Variants in SORCS2 observed in about 807,000 individuals in gnomAD.
The protein encoded by SORCS2 is VPS10 domain-containing receptor SorCS2.
Under a neutral mutation model 141.6 loss-of-function variants are expected in SORCS2, and 100 were observed. That is an observed-to-expected ratio of 0.71 (90% CI 0.60 to 0.83). The LOEUF (loss-of-function observed/expected upper bound fraction) is 0.83, where lower values mean the gene tolerates loss of function less well. Among genes scored for constraint, SORCS2 ranks in the 40% least tolerant of loss-of-function variants. SORCS2 has a pLI of 0.00. For synonymous variants in SORCS2, 789 were observed against 676.9 expected, an observed-to-expected ratio of 1.17 and a Z score of -2.57; for missense variants, 1,646 against 1,560.2, an observed-to-expected ratio of 1.05 and a Z score of -0.93.
chr4:7,536,305 A>G (rs528252189), intron 3 of SORCS2, among the ~76,000 whole-genome samples: 75 of 152,336 alleles, frequency 4.9e-4, no homozygotes, highest in African/African-American at 1.7e-3. Flanking sequence ...TACGGTACCT[A>G]GAATCAAGCC....
intron 3 of SORCS2, among the ~76,000 whole-genome samples, chr4:7,608,850 G>A (rs556863516): frequency 6.6e-6 from 1 of 152,112 alleles, no homozygotes; most frequent in Non-Finnish European, 1.5e-5. Flanking sequence ...GGCCGGGCAG[G>A]ATTTGTCACA....
At chr4:7,458,311 G>C (rs754518961) in intron 2 of SORCS2, among the ~76,000 whole-genome samples, 3 of 152,190 alleles carry the variant, frequency 2.0e-5, no homozygotes, top group Non-Finnish European at 2.9e-5. Flanking sequence ...GGGAGACACT[G>C]AGGGTTGTTG....
chr4:7,347,980 G>A (rs1301625972), intron 1 of SORCS2, among the ~76,000 whole-genome samples: 3 of 152,170 alleles, frequency 2.0e-5, no homozygotes, highest in African/African-American at 7.2e-5. Context: ...ACAACTTTTC[G>A]TGAATCACAT....
At chr4:7,695,933 T>C (rs1161438261) in intron 11 of SORCS2, among the ~76,000 whole-genome samples, 1 of 121,962 alleles carries the variant, frequency 8.2e-6, no homozygotes, top group African/African-American at 3.1e-5. Flanking sequence ...GATTGGTGGG[T>C]GGGTGGGTGG....
intron 11 of SORCS2, 141 bp from the exon 12 acceptor site, chr4:7,697,057 G>T: frequency 1.5e-6 from 1 of 663,678 alleles, no homozygotes; most frequent in Non-Finnish European, 2.6e-6. Flanking sequence ...CCCCAGCGCA[G>T]CAGCCACAGC....
At chr4:7,688,509 G>T (rs1030608367) in intron 10 of SORCS2, among the ~76,000 whole-genome samples, 3 of 152,230 alleles carry the variant, frequency 2.0e-5, no homozygotes, top group African/African-American at 7.2e-5. Flanking sequence ...CCCCAGAGCT[G>T]TGCCATAGTA....
rs78633867 is a variant in SORCS2, at chr4:7,696,207, G to T, written c.1592-991G>T. ...CTAAATAAAGCTTCAAAGGGCAAAT[G>T]ATATACAAGTCACCCAGGGTGGGGC... On this transcript the variant is annotated intron_variant, in intron 11 of 26. Coordinates refer to ENST00000507866, the MANE Select transcript of SORCS2 (RefSeq NM_020777.3). Among the ~76,000 whole-genome samples the T allele has an allele frequency of 5.1e-3, 771 of 152,250 alleles. 2 individuals carry two copies. Among genetic ancestry groups the T allele is most frequent in the Non-Finnish European group, 8.1e-3 (554 of 68,010 alleles).
Position 7,368,508 on chromosome 4 carries a change from C to T in SORCS2, c.481-27780C>T, listed in dbSNP as rs977972320. ...TCCACTGGGTCCCCCCAGCAGCCAG[C>T]GCACCCCATCACCATGCTGGGTGCC... On this transcript the variant is annotated intron_variant, in intron 1 of 26. Coordinates refer to ENST00000507866, the MANE Select transcript of SORCS2 (RefSeq NM_020777.3). Among the ~76,000 whole-genome samples the T allele has an allele frequency of 1.8e-4, 28 of 152,162 alleles. 1 individual carries two copies. The highest frequency in any genetic ancestry group is 5.8e-4 in the African/African-American group (24 of 41,440).
At chr4:7,686,574 C>G (rs944035141) in intron 10 of SORCS2, among the ~76,000 whole-genome samples, 1 of 152,224 alleles carries the variant, frequency 6.6e-6, no homozygotes, top group Admixed American at 6.5e-5. Context: ...CAGCCTGCCC[C>G]GGGGTTCTCC....
intron 1 of SORCS2, among the ~76,000 whole-genome samples, chr4:7,280,647 G>C (rs926999423): frequency 1.3e-5 from 2 of 152,214 alleles, no homozygotes; most frequent in African/African-American, 4.8e-5. Flanking sequence ...CAAAGTGGCT[G>C]TACTGATTTC....
At chr4:7,391,316 A>G (rs1336564603) in intron 1 of SORCS2, among the ~76,000 whole-genome samples, 1 of 152,182 alleles carries the variant, frequency 6.6e-6, no homozygotes, top group Admixed American at 6.5e-5. Context: ...AGAGCAGCAG[A>G]AAGTCCTGTT....
chr4:7,219,170 C>CTGTGTGTGTGTGTGTGTGTG lies in SORCS2; in HGVS notation c.480+26061_480+26062insGTGTGTGTGTGTGTGTGTGT, dbSNP rs57092836. On this transcript the variant is annotated intron_variant, in intron 1 of 26. Transcript: ENST00000507866. ...GATTTAGCTGATCTTTTTGTCTATG[C>CTGTGTGTGTGTGTGTGTGTG]TGTGTGTGTGTGTGTGTCTGTTCAT... Among the ~76,000 whole-genome samples the CTGTGTGTGTGTGTGTGTGTG allele has an allele frequency of 1.4e-3, 204 of 150,740 alleles. 1 individual carries two copies. The highest frequency in any genetic ancestry group is 0.012 in the East Asian group (60 of 5,100).
At chr4:7,273,110 C>G (rs76929772) in intron 1 of SORCS2, among the ~76,000 whole-genome samples, 2,765 of 152,340 alleles carry the variant, frequency 0.018, 80 homozygotes, top group African/African-American at 0.064. Context: ...GGAAGGACTT[C>G]TAGTTTTCAA....
At chr4:7,205,769 G>A (rs903099055) in intron 1 of SORCS2, among the ~76,000 whole-genome samples, 33 of 152,240 alleles carry the variant, frequency 2.2e-4, no homozygotes, top group African/African-American at 8.0e-4. Context: ...GAGGCCGGAC[G>A]CGGTGGCTCA....
rs369756387 is a variant in SORCS2 at position 7,207,324 on chromosome 4, C to A, written c.480+14198C>A. ...TGTGTCTGGGAAGGCTTGCTGCTGG[C>A]CCCTCCGAGCCCCTCCCGCCCACAC... On this transcript the variant is annotated intron_variant, in intron 1 of 26. Transcript: ENST00000507866. Among the ~76,000 whole-genome samples, 8 of 152,362 alleles carry A rather than the reference C, an allele frequency of 5.3e-5. No individual in the cohort carries two copies. The South Asian group carries it at 1.7e-3, about 32-fold the overall frequency.
chr4:7,519,171 C>T (rs900764387), intron 2 of SORCS2, among the ~76,000 whole-genome samples: 12 of 152,206 alleles, frequency 7.9e-5, no homozygotes, highest in African/African-American at 2.7e-4. Flanking sequence ...AGGGGAGCAC[C>T]GGCAGCTCTG....
intron 1 of SORCS2, among the ~76,000 whole-genome samples, chr4:7,346,989 G>A (rs893953759): frequency 2.0e-5 from 3 of 152,138 alleles, no homozygotes; most frequent in Non-Finnish European, 2.9e-5. Flanking sequence ...ATAGTAGTAG[G>A]TGCTCTGTAA....
Position 7,357,747 on chromosome 4 carries a change from C to T in SORCS2, c.481-38541C>T, listed in dbSNP as rs148564938. On this transcript the variant is annotated intron_variant, in intron 1 of 26. Coordinates refer to ENST00000507866, the MANE Select transcript of SORCS2 (RefSeq NM_020777.3). ...CTGCCATACACTCACCCACTCGGGG[C>T]CTGGCTGGGGAATGAATGCTGGGGT... is the stretch of plus-strand genomic sequence containing the variant. Among the ~76,000 whole-genome samples the T allele has an allele frequency of 5.3e-5, 8 of 152,224 alleles. No individual in the cohort carries two copies. The East Asian group carries it at 1.4e-3, about 26-fold the overall frequency.
At chr4:7,391,133 C>T (rs1033191106) in intron 1 of SORCS2, among the ~76,000 whole-genome samples, 1 of 152,150 alleles carries the variant, frequency 6.6e-6, no homozygotes, top group Admixed American at 6.5e-5. Flanking sequence ...TGCATCACAC[C>T]CTCTTTGTTT....
Sources: gnomAD v4.1 joint callset for allele counts (sites outside exome capture counted in the v4.1 genomes callset) on GRCh38, gnomAD v4.1.1 for gene constraint, MANE v1.5 for transcripts, NCBI Gene and HGNC (gene_info 2026-07-23, HGNC 2026-07-21) for gene names.